The following TMX3 variants were observed in gnomAD, a reference collection of about 807,000 sequenced individuals.
TMX3 encodes thioredoxin related transmembrane protein 3, also known as protein disulfide-isomerase TMX3.
In TMX3, 40 loss-of-function variants were observed where a neutral mutation model predicts 64.4. The observed-to-expected ratio is 0.62, with a 90% confidence interval of 0.48 to 0.81. The LOEUF is 0.81. Ranked by LOEUF, TMX3 falls within the 30% of genes least tolerant of loss-of-function variation. TMX3 has a pLI of 0.00. For missense variants in TMX3, 497 were observed against 534.5 expected (o/e 0.93, Z 0.69); for synonymous variants, 189 against 175.7 (o/e 1.08, Z -0.60).
At chr18:68,700,237 T>C (rs1265004429) in intron 6 of TMX3, among the ~76,000 whole-genome samples, 168 bp downstream of exon 6, 1 of 152,156 alleles carries the variant, frequency 6.6e-6, no homozygotes, top group South Asian at 2.1e-4. Context: ...TTCTTTAAAG[T>C]ATTTCTTTGG....
intron 8 of TMX3, among the ~76,000 whole-genome samples, chr18:68,692,965 C>T (rs1400493090): frequency 6.6e-6 from 1 of 152,160 alleles, no homozygotes; most frequent in Non-Finnish European, 1.5e-5. Flanking sequence ...CTGGTGCACT[C>T]CAAGTGCCAA....
At chr18:68,696,907 C>T (rs942388401) in intron 8 of TMX3, 18 of 241,738 alleles carry the variant, frequency 7.4e-5, no homozygotes, top group South Asian at 2.1e-4. Context: ...CACATACGCA[C>T]GCAAAATAAT....
At chr18:68,687,433 T>A in intron 10 of TMX3, 3 of 985,442 alleles carry the variant, frequency 3.0e-6, no homozygotes, top group South Asian at 9.4e-5. Flanking sequence ...CTTTTTGTTT[T>A]CCTTATCACC....
rs1912994920 is a variant in TMX3 at position 68,677,072 on chromosome 18, C to T, written c.1226G>A (p.Arg409Gln). ...ADTDGGYIEE[R>Q]YEVSKSENEN... ...ATTTTCACTTTTAGACACTTCATAT[C>T]GTTCTTCTATATAACCTCCATCTGT... is the stretch of plus-strand genomic sequence containing the variant. Residue 409 changes from arginine to glutamine, a missense_variant, in exon 16 of 16, where the codon CGA (arginine) becomes CAA (glutamine). Around this residue, in one of 3 missense-constraint regions of TMX3, gnomAD observed 94 missense variants for 75.8 expected, o/e 1.24. Transcript: ENST00000299608. The T allele has an allele frequency of 6.2e-7, 1 of 1,613,788 alleles. No homozygotes were observed. The highest frequency in any genetic ancestry group is 2.2e-5 in the East Asian group (1 of 44,872).
intron 4 of TMX3, chr18:68,706,538 A>G (rs1329846620): frequency 6.6e-6 from 1 of 152,232 alleles, no homozygotes; most frequent in Non-Finnish European, 1.5e-5. Context: ...GGGCCTTCAG[A>G]ATCTGAACTG....
At chr18:68,687,177 T>C (rs1405569777) in intron 10 of TMX3, 1 of 985,332 alleles carries the variant, frequency 1.0e-6, no homozygotes, top group East Asian at 1.1e-4. Context: ...AGTTTGCATC[T>C]GAGACCATAT....
At chr18:68,698,751 T>C (rs1915361782) in intron 6 of TMX3, among the ~76,000 whole-genome samples, 1 of 152,024 alleles carries the variant, frequency 6.6e-6, no homozygotes, top group South Asian at 2.1e-4. Flanking sequence ...GGGCGGTGGC[T>C]CATGCCTGTA....
In TMX3 at chr18:68,687,706, C is replaced by T; in HGVS notation, c.697G>A (p.Ala233Thr). The change falls in exon 10 of 16, where the codon GCT becomes ACT. Residue 233 changes from alanine (A) to threonine (T), a missense_variant. Physicochemically the swap from Ala to Thr is moderately conservative, Grantham distance 58. Coordinates refer to ENST00000299608, the MANE Select transcript of TMX3 (RefSeq NM_019022.5). ...TCATACAAGAGGAAGCCATCCATAGCAAGGTAATTCTGAAACCTTTCCCTG... is the reference window on the plus strand; with the variant it reads ...TCATACAAGAGGAAGCCATCCATAGTAAGGTAATTCTGAAACCTTTCCCTG... ...INRERFQNYL[A>T]MDGFLLYELG... is the part of the protein sequence containing the mutation. 6.2e-7 allele frequency: 1 copy of T among 1,612,720 alleles called. No individual in the cohort carries two copies. The highest frequency in any genetic ancestry group is 2.2e-5 in the East Asian group (1 of 44,716).
At chr18:68,683,913 G>C (rs941262896) in intron 12 of TMX3, among the ~76,000 whole-genome samples, 12 of 152,042 alleles carry the variant, frequency 7.9e-5, no homozygotes, top group Admixed American at 2.6e-4. Flanking sequence ...TACTGTTGTT[G>C]ATCTCTTACT....
intron 6 of TMX3, among the ~76,000 whole-genome samples, chr18:68,698,680 G>A (rs181040867): frequency 2.0e-5 from 3 of 151,894 alleles, no homozygotes; most frequent in African/African-American, 4.8e-5. Flanking sequence ...AATGAATTAC[G>A]TCATAGGTTA....
At position 68,713,948 on chromosome 18, in the gene TMX3, T is replaced by G. The variant is rs752028584; in HGVS notation, c.47-48A>C. The stretch of plus-strand genomic sequence containing the variant: ...ACACAATAAATGCTGATTATTTGGC[T>G]CATACCGTATAAGCTTAGTCATCTC... On this transcript the variant is annotated intron_variant, in intron 1 of 15. Transcript: ENST00000299608. The G allele has an allele frequency of 1.1e-5, 15 of 1,359,874 alleles. No individual in the cohort carries two copies. In the Admixed American group the frequency reaches 2.3e-4, roughly 21 times the overall value. The allele number at this position is 1,359,874 out of a possible 1,614,324, so 84.2% of individuals were successfully genotyped here. A position where few individuals can be genotyped will look rare whatever the true frequency, so the allele number is the denominator to read the frequency against.
At chr18:68,686,139 A>C (rs177919) in intron 10 of TMX3, among the ~76,000 whole-genome samples, 1 of 151,934 alleles carries the variant, frequency 6.6e-6, no homozygotes, top group African/African-American at 2.4e-5. Context: ...GCACAGCGTC[A>C]GGAGGCTGCT....
rs1054904341 is a variant in TMX3 at position 68,674,359 on chromosome 18, C to T, written c.*2574G>A. Reference sequence around the variant, plus strand: ...CGATAAAAACATGCACTTTGTCTCGCTGAAATGTCCTTAAATATTGTCTGA... The same window carrying T: ...CGATAAAAACATGCACTTTGTCTCGTTGAAATGTCCTTAAATATTGTCTGA... On this transcript the variant is annotated 3_prime_UTR_variant, in exon 16 of 16. Transcript: ENST00000299608. 10 of 152,088 alleles carry T rather than the reference C, an allele frequency of 6.6e-5. No individual in the cohort carries two copies. The highest frequency in any genetic ancestry group is 1.5e-4 in the Non-Finnish European group (10 of 67,986). 9.4% of individuals were successfully genotyped at this position (152,088 alleles called of 1,614,324 possible).
chr18:68,693,428 AC>A (rs1914727109), intron 8 of TMX3, among the ~76,000 whole-genome samples: 1 of 150,604 alleles, frequency 6.6e-6, no homozygotes, highest in South Asian at 2.1e-4. Flanking sequence ...GAAAGCAGCC[AC>A]CCCCACCCCC....
chr18:68,714,664 C>T (rs936967627), intron 1 of TMX3, among the ~76,000 whole-genome samples: 5 of 152,272 alleles, frequency 3.3e-5, no homozygotes, highest in African/African-American at 1.2e-4. Context: ...ATTGAAACTT[C>T]TGCCACAATG....
rs772057914 is a variant in TMX3 at position 68,698,034 on chromosome 18, G to A, written c.393-3C>T. ...TTGGAAGTGGCCGAATTAGAGCCCT[G>A]TTGCACAACAAAACAAAAAACAAAC... On this transcript the variant is annotated splice_polypyrimidine_tract_variant and splice_region_variant and intron_variant, in intron 6 of 15. Coordinates refer to ENST00000299608, the MANE Select transcript of TMX3 (RefSeq NM_019022.5). 6 of 1,603,930 alleles carry A rather than the reference G, an allele frequency of 3.7e-6. No homozygotes were observed. Among genetic ancestry groups the A allele is most frequent in the Non-Finnish European group, 5.1e-6 (6 of 1,175,422 alleles).
intron 9 of TMX3, 141 bp from the exon 10 acceptor site, chr18:68,687,906 G>T: frequency 2.0e-6 from 1 of 512,356 alleles, no homozygotes; most frequent in Non-Finnish European, 3.3e-6. Context: ...TTTATTGCAA[G>T]CATACAATCA....
Position 68,697,294 on chromosome 18 carries a change from T to C in TMX3, c.502A>G (p.Ile168Val), listed in dbSNP as rs148322522. 1,632 of 1,562,042 alleles carry C rather than the reference T, an allele frequency of 1.0e-3. No homozygotes were observed. Among genetic ancestry groups the C allele is most frequent in the Admixed American group, 1.4e-3 (77 of 53,846 alleles). ...ACAATCAATTCTGAAGCAGCATCTA[T>C]GTATTTCTCCTATGAAGATACAAAC... ...GGESPLKEKY[I>V]DAASELIVYT... Residue 168 changes from isoleucine (I) to valine (V), a missense_variant, in exon 8 of 16, where the codon ATA (isoleucine) becomes GTA (valine). Transcript: ENST00000299608.
chr18:68,711,330 G>C, intron 3 of TMX3, 34 bp downstream of exon 3: 3 of 1,531,852 alleles, frequency 2.0e-6, no homozygotes, highest in South Asian at 1.2e-5. Flanking sequence ...AATGGTAGGG[G>C]TGGGTAATTA....
Sources: allele counts gnomAD v4.1 joint callset (sites outside exome capture counted in the v4.1 genomes callset), GRCh38; gene constraint gnomAD v4.1.1; regional missense constraint gnomAD v4.1.1; transcripts MANE v1.5; gene names NCBI Gene and HGNC (gene_info 2026-07-23, HGNC 2026-07-21).